The following CHST4 variants were observed in gnomAD, a reference collection of about 807,000 sequenced individuals.
CHST4 encodes the protein carbohydrate sulfotransferase 4.
For missense variants in CHST4, 466 were observed against 506.0 expected (o/e 0.92, Z 0.76); for synonymous variants, 171 against 195.5 (o/e 0.87, Z 1.05).
intron 1 of CHST4, among the ~76,000 whole-genome samples, chr16:71,535,082 G>A (rs932441074): frequency 2.0e-5 from 3 of 152,140 alleles, no homozygotes; most frequent in Non-Finnish European, 4.4e-5. Context: ...GAGACAGTAC[G>A]AATCACAAAG....
Position 71,537,358 on chromosome 16 carries a change from T to C in CHST4, c.681T>C (p.Ile227=). ...TKGDLMIDSR[I]VMGQHEQKLK... is the part of the protein sequence containing the mutation. ...GAGATCTCATGATTGACAGTCGCAT[T>C]GTGATGGGGCAGCATGAGCAAAAAC... The change falls in exon 2 of 2, where the codon ATT becomes ATC. Residue 227 remains isoleucine (I), a synonymous_variant. Transcript: ENST00000539698. This position sits in a 1 kb window ranked among gnomAD's most constrained non-coding sequence, Gnocchi z 4.2. 1.2e-6 allele frequency: 2 copies of C among 1,614,110 alleles called. No homozygotes were observed. The highest frequency in any genetic ancestry group is 1.7e-6 in the Non-Finnish European group (2 of 1,180,020).
chr16:71,537,486 G>C lies in CHST4; in HGVS notation c.809G>C (p.Arg270Pro), dbSNP rs752428702. Residue 270 changes from arginine (R) to proline (P), a missense_variant, in exon 2 of 2, where the codon CGC becomes CCC. Physicochemically the swap from Arg to Pro is moderately radical, Grantham distance 103. Coordinates refer to ENST00000539698, the MANE Select transcript of CHST4 (RefSeq NM_001166395.2). The surrounding 1 kb of genome is among the most constrained non-coding windows in gnomAD (Gnocchi z 4.2). ...IQSLPKALQE[R>P]YLLVRYEDLA... ...TCCTTGCCCAAGGCCCTGCAGGAAC[G>C]CTACCTGCTTGTGCGCTATGAGGAC... is the stretch of plus-strand genomic sequence containing the variant. 6 of 1,614,056 alleles carry C rather than the reference G, an allele frequency of 3.7e-6. No homozygotes were observed.
chr16:71,528,861 G>C (rs2145201243), intron 1 of CHST4, among the ~76,000 whole-genome samples: 1 of 152,226 alleles, frequency 6.6e-6, no homozygotes, highest in East Asian at 1.9e-4. Flanking sequence ...ATCAGCTGCT[G>C]CTTGAGGTCA....
chr16:71,537,897 C>G lies in CHST4; in HGVS notation c.*59C>G. On this transcript the variant is annotated 3_prime_UTR_variant, in exon 2 of 2. Coordinates refer to ENST00000539698, the MANE Select transcript of CHST4 (RefSeq NM_001166395.2). This position sits in a 1 kb window ranked among gnomAD's most constrained non-coding sequence, Gnocchi z 4.2. ...CAGCCTCAGTCACTTTCTCTGAATG[C>G]TTCTGAGCCTTGCCTACATCTCTGA... The G allele has an allele frequency of 1.4e-6, 2 of 1,457,562 alleles. No homozygotes were observed. Among genetic ancestry groups the G allele is most frequent in the Non-Finnish European group, 1.9e-6 (2 of 1,068,104 alleles). 90.3% of individuals were successfully genotyped at this position (1,457,562 alleles called of 1,614,324 possible). A position where few individuals can be genotyped will look rare whatever the true frequency, so the allele number is the denominator to read the frequency against.
Position 71,537,213 on chromosome 16 carries a change from T to C in CHST4, c.536T>C (p.Val179Ala), listed in dbSNP as rs779736533. The C allele has an allele frequency of 2.5e-6, 4 of 1,613,772 alleles. No individual in the cohort carries two copies. Among genetic ancestry groups the C allele is most frequent in the Non-Finnish European group, 3.4e-6 (4 of 1,179,956 alleles). Reference protein sequence around the residue: ...RSYSHVVLKEVRFFNLQSLYP... With the variant: ...RSYSHVVLKEARFFNLQSLYP... Reference sequence around the variant, plus strand: ...TACAGCCACGTGGTGCTCAAGGAGGTGCGCTTCTTCAACCTGCAGTCCCTC... The same window carrying C: ...TACAGCCACGTGGTGCTCAAGGAGGCGCGCTTCTTCAACCTGCAGTCCCTC... The change falls in exon 2 of 2, where the codon GTG (valine) becomes GCG (alanine). Residue 179 changes from valine to alanine, a missense_variant. Physicochemically the swap from Val to Ala is moderately conservative, Grantham distance 64. Transcript: ENST00000539698. The surrounding 1 kb of genome is among the most constrained non-coding windows in gnomAD (Gnocchi z 4.2).
intron 1 of CHST4, among the ~76,000 whole-genome samples, chr16:71,532,049 T>TG (rs1428955740): frequency 3.4e-5 from 1 of 29,518 alleles, no homozygotes; most frequent in African/African-American, 1.6e-4. Context: ...GGTCCTGTTG[T>TG]TTTTTTTTTT....
chr16:71,528,262 A>AG (rs1425555226), intron 1 of CHST4, among the ~76,000 whole-genome samples: 1 of 151,980 alleles, frequency 6.6e-6, no homozygotes, highest in East Asian at 1.9e-4. Flanking sequence ...AAAAAAAAAA[A>AG]AAAAAAAGAG....
upstream of CHST4, chr16:71,526,247 C>G (rs572773846): frequency 6.6e-6 from 1 of 152,326 alleles, no homozygotes; most frequent in African/African-American, 2.4e-5. Context: ...TGAGTCTCAG[C>G]AGTGTTAAAG....
intron 1 of CHST4, among the ~76,000 whole-genome samples, chr16:71,530,307 G>C (rs2145202569): frequency 6.6e-6 from 1 of 152,284 alleles, no homozygotes; most frequent in East Asian, 1.9e-4. Context: ...TGGAAGAACT[G>C]AAAGTCGGGA....
At chr16:71,529,615 G>A (rs1359008173) in intron 1 of CHST4, among the ~76,000 whole-genome samples, 3 of 137,046 alleles carry the variant, frequency 2.2e-5, no homozygotes, top group Admixed American at 7.8e-5. Context: ...GGAGTGCAGC[G>A]GTGTGATCTT....
At chr16:71,531,777 C>A (rs1023233841) in intron 1 of CHST4, among the ~76,000 whole-genome samples, 30 of 152,198 alleles carry the variant, frequency 2.0e-4, no homozygotes, top group Admixed American at 1.3e-4. Context: ...TTATAAAATT[C>A]TATCACCATT....
At chr16:71,532,593 A>C (rs2043956882) in intron 1 of CHST4, among the ~76,000 whole-genome samples, 1 of 152,180 alleles carries the variant, frequency 6.6e-6, no homozygotes, top group Non-Finnish European at 1.5e-5. Flanking sequence ...GGGGACTTCC[A>C]AGGAAAACCC....
rs770464982 is a variant in CHST4, at chr16:71,537,010, C to T, written c.333C>T (p.Ala111=). 1.2e-5 allele frequency: 20 copies of T among 1,613,940 alleles called. No homozygotes were observed. Among genetic ancestry groups the T allele is most frequent in the Non-Finnish European group, 1.6e-5 (19 of 1,180,004 alleles). Residue 111 remains alanine (A), a synonymous_variant, in exon 2 of 2, where the codon GCC becomes GCT. Transcript: ENST00000539698. The surrounding 1 kb of genome is among the most constrained non-coding windows in gnomAD (Gnocchi z 4.2). ...VFLCDMSVFD[A]YMEPGPRRQS... is the part of the protein sequence containing the mutation. Reference sequence around the variant, plus strand: ...TGTGCGACATGAGCGTCTTTGATGCCTACATGGAACCTGGTCCCCGGAGAC... The same window carrying T: ...TGTGCGACATGAGCGTCTTTGATGCTTACATGGAACCTGGTCCCCGGAGAC...
chr16:71,527,235 G>C (rs2043914696), intron 1 of CHST4, among the ~76,000 whole-genome samples: 1 of 152,176 alleles, frequency 6.6e-6, no homozygotes, highest in Non-Finnish European at 1.5e-5. Context: ...AATTGGAATT[G>C]AAATACTTTT....
intron 1 of CHST4, among the ~76,000 whole-genome samples, chr16:71,529,767 T>C (rs534418187): frequency 2.6e-5 from 4 of 152,122 alleles, no homozygotes; most frequent in Non-Finnish European, 5.9e-5. Context: ...CCTTAAGCTA[T>C]AGTGGCCCAG....
intron 1 of CHST4, among the ~76,000 whole-genome samples, chr16:71,531,016 A>T (rs935949992): frequency 6.6e-6 from 1 of 152,110 alleles, no homozygotes; most frequent in African/African-American, 2.4e-5. Context: ...AGGAGGCAGA[A>T]GTTGCAGTGA....
At chr16:71,533,625 T>C (rs1243775940) in intron 1 of CHST4, among the ~76,000 whole-genome samples, 1 of 152,150 alleles carries the variant, frequency 6.6e-6, no homozygotes, top group African/African-American at 2.4e-5. Flanking sequence ...TAGGTTTTCT[T>C]TCCTCTGGAA....
chr16:71,526,853 T>A (rs745494734), intron 1 of CHST4, among the ~76,000 whole-genome samples: 15 of 152,058 alleles, frequency 9.9e-5, no homozygotes, highest in Admixed American at 2.0e-4. Context: ...TTCTCCTCTG[T>A]TTTCTGCTGG....
At chr16:71,528,241 C>T (rs1044448390) in intron 1 of CHST4, among the ~76,000 whole-genome samples, 3 of 108,124 alleles carry the variant, frequency 2.8e-5, no homozygotes, top group African/African-American at 1.2e-4. Context: ...CAGAGCAAGA[C>T]TTCATTTCAA....
Sources: allele counts gnomAD v4.1 joint callset (sites outside exome capture counted in the v4.1 genomes callset), GRCh38; gene constraint gnomAD v4.1.1; non-coding constraint Gnocchi (gnomAD v3.1); transcripts MANE v1.5; gene names NCBI Gene and HGNC (gene_info 2026-07-23, HGNC 2026-07-21).